DGKB: variants seen among roughly 807,000 people sequenced by gnomAD.
DGKB encodes 90 kDa diacylglycerol kinase.
DGKB carries 67 observed loss-of-function variants against 114.3 expected under a neutral mutation model. That is an observed-to-expected ratio of 0.59 (90% CI 0.48 to 0.72). DGKB has a LOEUF of 0.72. Ranked by LOEUF, DGKB falls within the 30% of genes least tolerant of loss-of-function variation. The pLI is 0.00. For missense variants in DGKB, 907 were observed against 975.2 expected, an observed-to-expected ratio of 0.93 and a Z score of 0.93; for synonymous variants, 398 against 323.1, an observed-to-expected ratio of 1.23 and a Z score of -2.49.
chr7:14,191,896 A>G, intron 23 of DGKB: 1 of 558,772 alleles, frequency 1.8e-6, no homozygotes, highest in Non-Finnish European at 3.3e-6. Flanking sequence ...AGCTGAAGGA[A>G]AAGATTGATT....
At chr7:14,877,420 T>C (rs1853472129) in intron 1 of DGKB, among the ~76,000 whole-genome samples, 1 of 152,136 alleles carries the variant, frequency 6.6e-6, no homozygotes, top group African/African-American at 2.4e-5. Context: ...CCAAGTGTTG[T>C]GGCACATGCC....
chr7:14,644,146 A>T (rs1252219232), intron 13 of DGKB, among the ~76,000 whole-genome samples: 3 of 152,092 alleles, frequency 2.0e-5, no homozygotes, highest in Non-Finnish European at 2.9e-5. Flanking sequence ...TGGAGAATAC[A>T]TTACTGTACC....
intron 23 of DGKB, among the ~76,000 whole-genome samples, chr7:14,285,007 A>G (rs1185823775): frequency 3.7e-5 from 5 of 133,916 alleles, no homozygotes; most frequent in Non-Finnish European, 8.0e-5. Context: ...AACTTAAAGT[A>G]TAATAATAAA....
At chr7:14,159,579 C>G (rs537386169) in intron 25 of DGKB, among the ~76,000 whole-genome samples, 1 of 152,256 alleles carries the variant, frequency 6.6e-6, no homozygotes, top group Non-Finnish European at 1.5e-5. Flanking sequence ...ATTGTTTTCT[C>G]TCCATTCATT....
At chr7:14,845,258 G>C (rs1005023209) in intron 1 of DGKB, among the ~76,000 whole-genome samples, 1 of 151,904 alleles carries the variant, frequency 6.6e-6, no homozygotes, top group Non-Finnish European at 1.5e-5. Flanking sequence ...ATGTATCAAG[G>C]CTCACCTGGT....
intron 2 of DGKB, among the ~76,000 whole-genome samples, chr7:14,794,546 C>A (rs2128028951): frequency 6.6e-6 from 1 of 152,226 alleles, no homozygotes; most frequent in South Asian, 2.1e-4. Flanking sequence ...ATTCCCAGCT[C>A]AAGTGCTGCA....
rs1215674191 is a variant in DGKB at position 14,580,764 on chromosome 7, G to A, written c.1609+98C>T. 6.3e-6 allele frequency: 5 copies of A among 797,410 alleles called. No homozygotes were observed. In the African/African-American group the frequency reaches 8.7e-5, roughly 14 times the overall value. 49.4% of individuals were successfully genotyped at this position (797,410 alleles called of 1,614,324 possible). ...ATATACCACATCAGTTATCTTCACT[G>A]AAATCATATCGTTTTTGTTTCTTTT... On this transcript the variant is annotated intron_variant, in intron 19 of 25. Coordinates refer to ENST00000402815, the MANE Select transcript of DGKB (RefSeq NM_001350709.2).
Position 14,514,648 on chromosome 7 carries a change from A to G in DGKB, c.1771-36423T>C, listed in dbSNP as rs1254517378. ...TCACATATATTGAGATCTTATTTGTATCAAATACAGATATTTTTATTTTTA... is the reference window on the plus strand; with the variant it reads ...TCACATATATTGAGATCTTATTTGTGTCAAATACAGATATTTTTATTTTTA... On this transcript the variant is annotated intron_variant, in intron 20 of 25. Transcript: ENST00000402815. Among the ~76,000 whole-genome samples the G allele has an allele frequency of 4.6e-5, 7 of 152,238 alleles. No individual in the cohort carries two copies. The South Asian group carries it at 1.0e-3, about 23-fold the overall frequency.
At chr7:14,217,046 C>G (rs1442137088) in intron 23 of DGKB, among the ~76,000 whole-genome samples, 1 of 152,092 alleles carries the variant, frequency 6.6e-6, no homozygotes, top group Non-Finnish European at 1.5e-5. Flanking sequence ...ATCTCACACA[C>G]TGAATGAAAC....
chr7:14,332,179 A>G lies in DGKB; in HGVS notation c.2122+6336T>C, dbSNP rs1268097580. Among the ~76,000 whole-genome samples the G allele has an allele frequency of 2.0e-5, 3 of 152,120 alleles. No homozygotes were observed. In the East Asian group the frequency reaches 5.8e-4, roughly 29 times the overall value. ...AGGCATTTGCTACGTACTGGCCCCT[A>G]TTCTAAGCTTCTAATCTGGGCTTTT... On this transcript the variant is annotated intron_variant, in intron 23 of 25. Transcript: ENST00000402815.
At chr7:14,413,068 T>C (rs1364953276) in intron 21 of DGKB, among the ~76,000 whole-genome samples, 1 of 151,482 alleles carries the variant, frequency 6.6e-6, no homozygotes, top group Non-Finnish European at 1.5e-5. Flanking sequence ...TGGACTAGGA[T>C]GGAGTGAAAT....
chr7:14,909,761 C>T (rs1783889678), intron 1 of DGKB, among the ~76,000 whole-genome samples: 1 of 152,054 alleles, frequency 6.6e-6, no homozygotes. Flanking sequence ...CTAAAAATGG[C>T]TTTTGAGGTG....
intron 25 of DGKB, among the ~76,000 whole-genome samples, chr7:14,165,952 G>A (rs1237025729): frequency 6.6e-6 from 1 of 152,146 alleles, no homozygotes; most frequent in Non-Finnish European, 1.5e-5. Context: ...CTTCCTTTCT[G>A]AACCTTTTAT....
Position 14,755,933 on chromosome 7 carries a change from G to T in DGKB, c.147+1722C>A, listed in dbSNP as rs13242955. On this transcript the variant is annotated intron_variant, in intron 3 of 25. Coordinates refer to ENST00000402815, the MANE Select transcript of DGKB (RefSeq NM_001350709.2). ...ATTTTAATAACATGTTTCAACAATA[G>T]ATCTGTACATTTATGAAATGTATTA... Among the ~76,000 whole-genome samples, 462 of 152,056 alleles carry T rather than the reference G, an allele frequency of 3.0e-3. 5 individuals are homozygous for T. The highest frequency in any genetic ancestry group is 5.6e-3 in the Non-Finnish European group (377 of 67,886).
chr7:14,852,487 C>CAAAAAAAAAACAAACAAACAAA (rs1554304256), intron 1 of DGKB, among the ~76,000 whole-genome samples: 1 of 63,636 alleles, frequency 1.6e-5, no homozygotes, highest in African/African-American at 6.7e-5. Flanking sequence ...TAGTGAAAGT[C>CAAAAAAAAAACAAACAAACAAA]AAAAAAAAAA....
intron 17 of DGKB, among the ~76,000 whole-genome samples, chr7:14,605,435 A>C (rs1451160929): frequency 6.6e-6 from 1 of 150,660 alleles, no homozygotes; most frequent in African/African-American, 2.4e-5. Flanking sequence ...ATAGAGGGGA[A>C]TATGCTCATT....
chr7:14,647,971 C>T (rs1249580598), intron 13 of DGKB, among the ~76,000 whole-genome samples: 1 of 152,234 alleles, frequency 6.6e-6, no homozygotes, highest in Admixed American at 6.5e-5. Context: ...AGATTATATC[C>T]TGCACCTGGC....
intron 20 of DGKB, among the ~76,000 whole-genome samples, chr7:14,489,684 G>C (rs1480742767): frequency 6.6e-6 from 1 of 152,148 alleles, no homozygotes; most frequent in Admixed American, 6.5e-5. Flanking sequence ...TTAAACTGAA[G>C]TGGGGAATGA....
At chr7:14,721,149 GA>G (rs1005469884) in intron 5 of DGKB, among the ~76,000 whole-genome samples, 1 of 152,088 alleles carries the variant, frequency 6.6e-6, no homozygotes, top group African/African-American at 2.4e-5. Context: ...AAAAAAGAAA[GA>G]AAAGAATATG....
Sources: allele counts gnomAD v4.1 joint callset (sites outside exome capture counted in the v4.1 genomes callset), GRCh38; gene constraint gnomAD v4.1.1; transcripts MANE v1.5; gene names NCBI Gene and HGNC (gene_info 2026-07-23, HGNC 2026-07-21).